Variants in SRPK2 observed in about 807,000 individuals in gnomAD.
SRPK2 encodes SFRS protein kinase 2.
A neutral mutation model predicts 90.8 loss-of-function variants in SRPK2; 21 were observed. That is an observed-to-expected ratio of 0.23 (90% confidence interval 0.16 to 0.33). The LOEUF is 0.33. SRPK2 is among the 10% of genes least tolerant of loss of function. SRPK2 has a pLI of 1.00. For missense variants in SRPK2, 620 were observed against 869.0 expected, an observed-to-expected ratio of 0.71 and a Z score of 3.60; for synonymous variants, 288 against 311.1, an observed-to-expected ratio of 0.93 and a Z score of 0.78.
chr7:105,375,554 G>T (rs974302889), intron 2 of SRPK2, among the ~76,000 whole-genome samples: 1 of 152,082 alleles, frequency 6.6e-6, no homozygotes, highest in Non-Finnish European at 1.5e-5. Flanking sequence ...AAATCACAGC[G>T]ATCAAGGTAA....
intron 2 of SRPK2, among the ~76,000 whole-genome samples, chr7:105,204,194 T>C (rs1795919538): frequency 6.6e-6 from 1 of 152,200 alleles, no homozygotes; most frequent in South Asian, 2.1e-4. Context: ...CAAGCAGCAC[T>C]CAACTTTTGA....
At position 105,382,107 on chromosome 7, in the gene SRPK2, G is replaced by A. The variant is rs189497288; in HGVS notation, c.71+6541C>T. 1.5e-3 allele frequency among the ~76,000 whole-genome samples: 229 copies of A among 151,880 alleles called. 2 individuals carry two copies. The highest frequency in any genetic ancestry group is 5.3e-3 in the African/African-American group (219 of 41,398). On this transcript the variant is annotated intron_variant, in intron 2 of 15. Coordinates refer to ENST00000393651, the MANE Select transcript of SRPK2 (RefSeq NM_182692.3). ...CGCTTGAACCTGGGAGGTGGCAGGT[G>A]CAGTGAGCCATGATTGCGCCAGTGC...
chr7:105,199,031 C>G (rs555037679), intron 3 of SRPK2, among the ~76,000 whole-genome samples: 1 of 152,180 alleles, frequency 6.6e-6, no homozygotes, highest in Non-Finnish European at 1.5e-5. Context: ...GAGCAATGAA[C>G]AATGCTTTTG....
At chr7:105,234,872 A>G (rs748834615) in intron 2 of SRPK2, among the ~76,000 whole-genome samples, 4 of 152,254 alleles carry the variant, frequency 2.6e-5, no homozygotes, top group Non-Finnish European at 5.9e-5. Context: ...CAGAATTTCA[A>G]AGAACACATG....
intron 2 of SRPK2, among the ~76,000 whole-genome samples, chr7:105,339,990 G>A (rs1052262884): frequency 7.3e-5 from 11 of 151,328 alleles, no homozygotes; most frequent in African/African-American, 1.5e-4. Context: ...TCCAGGAGGC[G>A]GAAACTGCAG....
intron 2 of SRPK2, among the ~76,000 whole-genome samples, chr7:105,229,420 C>A (rs1799149711): frequency 6.6e-6 from 1 of 151,784 alleles, no homozygotes; most frequent in African/African-American, 2.4e-5. Context: ...GCCGAGATTG[C>A]GCCACTGCAC....
At chr7:105,375,798 T>A (rs1156335627) in intron 2 of SRPK2, among the ~76,000 whole-genome samples, 1 of 152,034 alleles carries the variant, frequency 6.6e-6, no homozygotes, top group East Asian at 1.9e-4. Flanking sequence ...GGCACCCATA[T>A]CATGTATTAT....
chr7:105,290,299 C>T (rs1254957132), intron 2 of SRPK2, among the ~76,000 whole-genome samples: 2 of 150,968 alleles, frequency 1.3e-5, no homozygotes, highest in Non-Finnish European at 1.5e-5. Flanking sequence ...ATGGTGCAAG[C>T]CTGTTTCTAT....
chr7:105,396,812 AAGAGAGAAAG>A (rs900405460), intron 1 of SRPK2, among the ~76,000 whole-genome samples: 4 of 71,506 alleles, frequency 5.6e-5, no homozygotes, highest in African/African-American at 1.5e-4. Context: ...GAAAGAAAGA[AAGAGAGAAAG>A]AGAGAGAGAG....
At chr7:105,179,940 A>G (rs1792541848) in intron 3 of SRPK2, among the ~76,000 whole-genome samples, 1 of 152,150 alleles carries the variant, frequency 6.6e-6, no homozygotes, top group Non-Finnish European at 1.5e-5. Context: ...CAGAGATGAT[A>G]CAAATGGAAA....
intron 2 of SRPK2, chr7:105,205,800 A>C (rs974425925): frequency 1.7e-5 from 7 of 402,410 alleles, no homozygotes; most frequent in Admixed American, 5.8e-5. Flanking sequence ...AAGAAGCACA[A>C]CCCACTCTTC....
chr7:105,337,764 C>T (rs559945324), intron 2 of SRPK2, among the ~76,000 whole-genome samples: 27 of 152,294 alleles, frequency 1.8e-4, no homozygotes, highest in Admixed American at 1.4e-3. Flanking sequence ...CTCAGACTTT[C>T]GGCCTCTAGC....
chr7:105,393,754 A>G (rs1822244383), upstream of SRPK2, among the ~76,000 whole-genome samples: 1 of 151,960 alleles, frequency 6.6e-6, no homozygotes, highest in African/African-American at 2.4e-5. Context: ...GCCAACCACT[A>G]CCACAATCTC....
At chr7:105,396,267 G>T (rs1008862254) in intron 1 of SRPK2, among the ~76,000 whole-genome samples, 1 of 152,016 alleles carries the variant, frequency 6.6e-6, no homozygotes, top group Admixed American at 6.6e-5. Context: ...CACCTGTCCT[G>T]TCAGCTTCAG....
At chr7:105,281,623 A>G (rs1210001255) in intron 2 of SRPK2, among the ~76,000 whole-genome samples, 1 of 151,500 alleles carries the variant, frequency 6.6e-6, no homozygotes, top group African/African-American at 2.4e-5. Context: ...GTGGATAGTC[A>G]CTGCACTCCA....
In SRPK2 at chr7:105,367,958, T is replaced by C. The variant is rs149359866; in HGVS notation, c.71+20690A>G. ...CCACAGGACAAACACATGTTGTTGA[T>C]AGCCAAACTGTATACGCTTTTCAGT... On this transcript the variant is annotated intron_variant, in intron 2 of 15. Transcript: ENST00000393651. 1.7e-3 allele frequency among the ~76,000 whole-genome samples: 260 copies of C among 152,352 alleles called. 1 individual carries two copies. Among genetic ancestry groups the C allele is most frequent in the African/African-American group, 6.0e-3 (251 of 41,588 alleles).
chr7:105,288,247 A>G (rs574686491), intron 2 of SRPK2, among the ~76,000 whole-genome samples: 2 of 152,346 alleles, frequency 1.3e-5, no homozygotes, highest in African/African-American at 4.8e-5. Context: ...ATCTTACAAC[A>G]TAACAAAATT....
At chr7:105,315,123 T>C (rs1372629144) in intron 2 of SRPK2, among the ~76,000 whole-genome samples, 1 of 152,022 alleles carries the variant, frequency 6.6e-6, no homozygotes, top group Non-Finnish European at 1.5e-5. Flanking sequence ...TTTTAAAAAA[T>C]AGAAAACTTA....
intron 2 of SRPK2, among the ~76,000 whole-genome samples, chr7:105,223,368 C>A (rs1022637642): frequency 2.6e-5 from 4 of 152,206 alleles, no homozygotes; most frequent in African/African-American, 9.6e-5. Context: ...CCAGACAGAA[C>A]ACGGAGTTGA....
Sources: allele counts gnomAD v4.1 joint callset (sites outside exome capture counted in the v4.1 genomes callset), GRCh38; gene constraint gnomAD v4.1.1; transcripts MANE v1.5; gene names NCBI Gene and HGNC (gene_info 2026-07-23, HGNC 2026-07-21).